FUCA2: variants seen among roughly 807,000 people sequenced by gnomAD.
FUCA2 encodes the protein alpha-L-fucosidase 2, also known as plasma alpha-L-fucosidase.
FUCA2 carries 41 observed loss-of-function variants against 52.6 expected under a neutral mutation model. That is an observed-to-expected ratio of 0.78 (90% CI 0.61 to 1.01). FUCA2 has a LOEUF of 1.01. Among genes scored for constraint, FUCA2 ranks in the 50% least tolerant of loss-of-function variants. The pLI, the probability that FUCA2 is intolerant of heterozygous loss-of-function variation, is 0.00. For missense variants in FUCA2, 507 were observed against 569.5 expected (o/e 0.89, Z 1.12); for synonymous variants, 211 against 217.3 (o/e 0.97, Z 0.26).
At chr6:143,496,073 G>A (rs1780456151) in intron 6 of FUCA2, among the ~76,000 whole-genome samples, 2 of 152,146 alleles carry the variant, frequency 1.3e-5, no homozygotes, top group Non-Finnish European at 2.9e-5. Context: ...GAAGTGTGCA[G>A]GGGTTGGGGA....
Position 143,501,276 on chromosome 6 carries a change from C to T in FUCA2, c.1154+656G>A, listed in dbSNP as rs1216493732. ...GTCATAAGTCAAGTAGATTGAAGAA[C>T]AATTAGTCTAATCTTTCGGTTCCTA... On this transcript the variant is annotated intron_variant, in intron 5 of 6. Transcript: ENST00000002165. The surrounding 1 kb of genome is among the most constrained non-coding windows in gnomAD (Gnocchi z 6.1). Among the ~76,000 whole-genome samples the T allele has an allele frequency of 6.6e-6, 1 of 152,168 alleles. No homozygotes were observed. The highest frequency in any genetic ancestry group is 2.4e-5 in the African/African-American group (1 of 41,430).
Position 143,511,289 on chromosome 6 carries a change from G to A in FUCA2, c.224+122C>T. The A allele has an allele frequency of 1.2e-6, 1 of 806,364 alleles. No individual in the cohort carries two copies. Among genetic ancestry groups the A allele is most frequent in the South Asian group, 2.2e-5 (1 of 46,408 alleles). The allele number at this position is 806,364 out of a possible 1,614,324, so 50.0% of individuals were successfully genotyped here. A position where few individuals can be genotyped will look rare whatever the true frequency, so the allele number is the denominator to read the frequency against. ...AGTGCGAAACGCGGGTAACGCAGTG[G>A]GAGGTGAAACCGACGAGGGTGCAGG... On this transcript the variant is annotated intron_variant, in intron 1 of 6. Transcript: ENST00000002165. The surrounding 1 kb of genome is among the most constrained non-coding windows in gnomAD (Gnocchi z 6.3).
Position 143,502,648 on chromosome 6 carries a change from T to C in FUCA2, c.753-83A>G. ...AAATGTCACTGAAAAGACATGTAAT[T>C]GAAATACAATTCTGAAAAGGGACCA... On this transcript the variant is annotated intron_variant, in intron 3 of 6. Transcript: ENST00000002165. This position sits in a 1 kb window ranked among gnomAD's most constrained non-coding sequence, Gnocchi z 4.1. 2 of 1,190,234 alleles carry C rather than the reference T, an allele frequency of 1.7e-6. No individual in the cohort carries two copies. The allele number at this position is 1,190,234 out of a possible 1,614,324, so 73.7% of individuals were successfully genotyped here. A position where few individuals can be genotyped will look rare whatever the true frequency, so the allele number is the denominator to read the frequency against.
At position 143,503,976 on chromosome 6, in the gene FUCA2, T is replaced by C; in HGVS notation, c.689A>G (p.Asp230Gly). 6.2e-7 allele frequency: 1 copy of C among 1,614,142 alleles called. No individual in the cohort carries two copies. The highest frequency in any genetic ancestry group is 8.5e-7 in the Non-Finnish European group (1 of 1,180,018). The change falls in exon 3 of 7, where the codon GAC becomes GGC. Residue 230 changes from aspartate to glycine, a missense_variant. Coordinates refer to ENST00000002165, the MANE Select transcript of FUCA2 (RefSeq NM_032020.5). The surrounding 1 kb of genome is among the most constrained non-coding windows in gnomAD (Gnocchi z 4.8). ...CCAGTATTGATCCGGTGCTCCTCCG[T>C]CACCATCCGACCACAGAACCTCAGG... ...YQPEVLWSDG[D>G]GGAPDQYWNS...
In FUCA2 at chr6:143,509,050, G is replaced by A. The variant is rs917147927; in HGVS notation, c.225-1626C>T. ...GACTACGGGCATTACATTTTAAATT[G>A]AACTGCAAAAGAGAAACTGGGACAT... On this transcript the variant is annotated intron_variant, in intron 1 of 6. Transcript: ENST00000002165. The surrounding 1 kb of genome is among the most constrained non-coding windows in gnomAD (Gnocchi z 5.4). Among the ~76,000 whole-genome samples the A allele has an allele frequency of 6.6e-6, 1 of 152,000 alleles. No homozygotes were observed. The highest frequency in any genetic ancestry group is 6.6e-5 in the Admixed American group (1 of 15,254).
chr6:143,495,378 G>A lies in FUCA2; in HGVS notation c.*329C>T, dbSNP rs1780443105. 4.5e-6 allele frequency: 1 copy of A among 220,354 alleles called. No individual in the cohort carries two copies. 13.6% of individuals were successfully genotyped at this position (220,354 alleles called of 1,614,324 possible). A position where few individuals can be genotyped will look rare whatever the true frequency, so the allele number is the denominator to read the frequency against. On this transcript the variant is annotated 3_prime_UTR_variant, in exon 7 of 7. Coordinates refer to ENST00000002165, the MANE Select transcript of FUCA2 (RefSeq NM_032020.5). This position sits in a 1 kb window ranked among gnomAD's most constrained non-coding sequence, Gnocchi z 5.2. ...AAGTGATGCATAACTATATAATCAT[G>A]GGGGATATGGCTTCAACATAAAATT...
rs941296918 is a variant in FUCA2, at chr6:143,503,264, C to G, written c.752+649G>C. 1 of 152,438 alleles carries G rather than the reference C, an allele frequency of 6.6e-6. No individual in the cohort carries two copies. Among genetic ancestry groups the G allele is most frequent in the Non-Finnish European group, 1.5e-5 (1 of 68,306 alleles). The allele number at this position is 152,438 out of a possible 1,614,324, so 9.4% of individuals were successfully genotyped here. A position where few individuals can be genotyped will look rare whatever the true frequency, so the allele number is the denominator to read the frequency against. On this transcript the variant is annotated intron_variant, in intron 3 of 6. Transcript: ENST00000002165. The surrounding 1 kb of genome is among the most constrained non-coding windows in gnomAD (Gnocchi z 4.8). ...TTTGTATTTGTGCCCTTTGTGGGCCCAGGAAGTGCAAGCAGAAGGTTGCCT... is the reference window on the plus strand; with the variant it reads ...TTTGTATTTGTGCCCTTTGTGGGCCGAGGAAGTGCAAGCAGAAGGTTGCCT...
At position 143,506,350 on chromosome 6, in the gene FUCA2, A is replaced by AGTTTTTGTTTGTTTGTTT. The variant is rs540080797; in HGVS notation, c.412+869_412+886dup. The AGTTTTTGTTTGTTTGTTT allele has an allele frequency of 8.6e-5, 13 of 151,798 alleles. No homozygotes were observed. The East Asian group carries it at 2.3e-3, about 27-fold the overall frequency. 9.4% of individuals were successfully genotyped at this position (151,798 alleles called of 1,614,324 possible). A position where few individuals can be genotyped will look rare whatever the true frequency, so the allele number is the denominator to read the frequency against. On this transcript the variant is annotated intron_variant, in intron 2 of 6. Transcript: ENST00000002165. Reference sequence around the variant, plus strand: ...AGACATACCACTACGCTAATTTTTTAGTTTTTGTTTGTTTGTTTGTTTTTG... The same window carrying AGTTTTTGTTTGTTTGTTT: ...AGACATACCACTACGCTAATTTTTTAGTTTTTGTTTGTTTGTTTGTTTTTGTTTGTTTGTTTGTTTTTG...
Position 143,497,562 on chromosome 6 carries a change from G to T in FUCA2, c.1155-65C>A. ...ACATCCCATGTTTCTCACTATTTAT[G>T]GATCAGGAACAATCTGGAATTATTT... On this transcript the variant is annotated intron_variant, in intron 5 of 6. Transcript: ENST00000002165. The surrounding 1 kb of genome is among the most constrained non-coding windows in gnomAD (Gnocchi z 5.3). 1.2e-6 allele frequency: 1 copy of T among 838,372 alleles called. No individual in the cohort carries two copies. The highest frequency in any genetic ancestry group is 2.5e-5 in the East Asian group (1 of 39,370). 51.9% of individuals were successfully genotyped at this position (838,372 alleles called of 1,614,324 possible).
In FUCA2 at chr6:143,504,026, G is replaced by A; in HGVS notation, c.639C>T (p.Leu213=). The A allele has an allele frequency of 1.2e-6, 2 of 1,614,142 alleles. No individual in the cohort carries two copies. The highest frequency in any genetic ancestry group is 1.7e-6 in the Non-Finnish European group (2 of 1,180,032). ...GCTGATAGTTGTTCACTAACTCATA[G>A]AGCTCTGGCAATGTCTTAGAAACTG... The part of the protein sequence containing the change: ...QFPVSKTLPE[L]YELVNNYQPE... Residue 213 remains leucine, a synonymous_variant, in exon 3 of 7, where the codon CTC becomes CTT. Transcript: ENST00000002165. The surrounding 1 kb of genome is among the most constrained non-coding windows in gnomAD (Gnocchi z 4.4).
In FUCA2 at chr6:143,497,551, T is replaced by C; in HGVS notation, c.1155-54A>G. 1.1e-6 allele frequency: 1 copy of C among 911,678 alleles called. No individual in the cohort carries two copies. The highest frequency in any genetic ancestry group is 1.4e-5 in the South Asian group (1 of 69,892). 56.5% of individuals were successfully genotyped at this position (911,678 alleles called of 1,614,324 possible). ...AGTAGCAAGTTACATCCCATGTTTC[T>C]CACTATTTATGGATCAGGAACAATC... On this transcript the variant is annotated intron_variant, in intron 5 of 6. Transcript: ENST00000002165. The surrounding 1 kb of genome is among the most constrained non-coding windows in gnomAD (Gnocchi z 5.3).
At chr6:143,496,381 G>A (rs898659525) in intron 6 of FUCA2, 1 of 152,120 alleles carries the variant, frequency 6.6e-6, no homozygotes, top group Non-Finnish European at 1.5e-5. Flanking sequence ...TGAAAACAAA[G>A]CCCATGAGCT....
At position 143,504,143 on chromosome 6, in the gene FUCA2, G is replaced by A. The variant is rs906890874; in HGVS notation, c.522C>T (p.Asp174=). The A allele has an allele frequency of 6.8e-6, 11 of 1,614,012 alleles. No individual in the cohort carries two copies. Among genetic ancestry groups the A allele is most frequent in the South Asian group, 1.1e-5 (1 of 91,082 alleles). ...GGGAATAGTACAGTCCAAAACGCAG[G>A]TCAGTTCTGTTCCTAATGGCTACCT... The part of the protein sequence containing the change: ...ELEVAIRNRT[D]LRFGLYYSLF... Residue 174 remains aspartate, a synonymous_variant, in exon 3 of 7, where the codon GAC becomes GAT. Transcript: ENST00000002165. The surrounding 1 kb of genome is among the most constrained non-coding windows in gnomAD (Gnocchi z 4.4).
At position 143,504,314 on chromosome 6, in the gene FUCA2, C is replaced by T. The variant is rs1422984967; in HGVS notation, c.413-62G>A. On this transcript the variant is annotated intron_variant, in intron 2 of 6. Transcript: ENST00000002165. The surrounding 1 kb of genome is among the most constrained non-coding windows in gnomAD (Gnocchi z 4.4). The stretch of plus-strand genomic sequence containing the variant: ...AACTTTATTTTAGTAAATTTCAACC[C>T]ACACAAATGCCCAAACAAATCACAT... 4 of 1,387,454 alleles carry T rather than the reference C, an allele frequency of 2.9e-6. No individual in the cohort carries two copies. Among genetic ancestry groups the T allele is most frequent in the Non-Finnish European group, 3.0e-6 (3 of 1,007,872 alleles). 85.9% of individuals were successfully genotyped at this position (1,387,454 alleles called of 1,614,324 possible).
Position 143,502,583 on chromosome 6 carries a change from A to T in FUCA2, c.753-18T>A. On this transcript the variant is annotated intron_variant, in intron 3 of 6. Coordinates refer to ENST00000002165, the MANE Select transcript of FUCA2 (RefSeq NM_032020.5). The surrounding 1 kb of genome is among the most constrained non-coding windows in gnomAD (Gnocchi z 4.1). ...GAACTGGGCTGAAATGAAACATACA[A>T]TTTTTTAAAACAAAAGGTATAAGCT... 6.3e-7 allele frequency: 1 copy of T among 1,595,280 alleles called. No individual in the cohort carries two copies. The highest frequency in any genetic ancestry group is 8.5e-7 in the Non-Finnish European group (1 of 1,171,476).
chr6:143,495,589 T>C lies in FUCA2; in HGVS notation c.*118A>G. On this transcript the variant is annotated 3_prime_UTR_variant, in exon 7 of 7. Transcript: ENST00000002165. This position sits in a 1 kb window ranked among gnomAD's most constrained non-coding sequence, Gnocchi z 5.2. ...GTGGGAAAAAGGGAAAGGGCTGAACTGCCAAAATAATTTTCTTATCCAGTT... is the reference window on the plus strand; with the variant it reads ...GTGGGAAAAAGGGAAAGGGCTGAACCGCCAAAATAATTTTCTTATCCAGTT... The C allele has an allele frequency of 9.2e-7, 1 of 1,087,968 alleles. No individual in the cohort carries two copies. Among genetic ancestry groups the C allele is most frequent in the Non-Finnish European group, 1.3e-6 (1 of 794,274 alleles). The allele number at this position is 1,087,968 out of a possible 1,614,324, so 67.4% of individuals were successfully genotyped here.
rs1490533983 is a variant in FUCA2 at position 143,502,786 on chromosome 6, C to T, written c.753-221G>A. 4.1e-6 allele frequency: 2 copies of T among 483,704 alleles called. No homozygotes were observed. Among genetic ancestry groups the T allele is most frequent in the African/African-American group, 1.9e-5 (1 of 51,940 alleles). The allele number at this position is 483,704 out of a possible 1,614,324, so 30.0% of individuals were successfully genotyped here. ...AGACCTAGAGCAAATTACCTGACTC[C>T]TCTGAATAATGAATTTCCTCATCTA... is the stretch of plus-strand genomic sequence containing the variant. On this transcript the variant is annotated intron_variant, in intron 3 of 6. Coordinates refer to ENST00000002165, the MANE Select transcript of FUCA2 (RefSeq NM_032020.5). This position sits in a 1 kb window ranked among gnomAD's most constrained non-coding sequence, Gnocchi z 4.1.
Position 143,511,467 on chromosome 6 carries a change from GC to G in FUCA2, c.167del (p.Gly56AlafsTer35). ...LPAWFDQAKF[G>X]IFIHWGVFSV... ...AAAACACTCCCCAGTGGATGAAGAT[GC>G]CGAACTTGGCCTGGTCAAACCACGC... On this transcript the variant is annotated frameshift_variant, in exon 1 of 7. Transcript: ENST00000002165. LOFTEE classifies it high-confidence loss of function. The surrounding 1 kb of genome is among the most constrained non-coding windows in gnomAD (Gnocchi z 6.3). 6.2e-7 allele frequency: 1 copy of G among 1,609,660 alleles called. No individual in the cohort carries two copies. The highest frequency in any genetic ancestry group is 1.7e-5 in the Admixed American group (1 of 59,536).
chr6:143,500,004 C>T lies in FUCA2; in HGVS notation c.1154+1928G>A, dbSNP rs567200374. ...AATGGGATCAGGACACAAGGGTTGACCTTAAAGCCAAAAGTGAGATAATTT... is the reference window on the plus strand; with the variant it reads ...AATGGGATCAGGACACAAGGGTTGATCTTAAAGCCAAAAGTGAGATAATTT... On this transcript the variant is annotated intron_variant, in intron 5 of 6. Transcript: ENST00000002165. The surrounding 1 kb of genome is among the most constrained non-coding windows in gnomAD (Gnocchi z 6.9). Among the ~76,000 whole-genome samples, 3 of 152,092 alleles carry T rather than the reference C, an allele frequency of 2.0e-5. No individual in the cohort carries two copies. Among genetic ancestry groups the T allele is most frequent in the African/African-American group, 7.2e-5 (3 of 41,478 alleles).
Sources: allele counts gnomAD v4.1 joint callset (sites outside exome capture counted in the v4.1 genomes callset), GRCh38; gene constraint gnomAD v4.1.1; non-coding constraint Gnocchi (gnomAD v3.1); transcripts MANE v1.5; gene names NCBI Gene and HGNC (gene_info 2026-07-23, HGNC 2026-07-21).